The following MEGF10 variants were observed in gnomAD, a reference collection of about 807,000 sequenced individuals.
The protein encoded by MEGF10 is multiple EGF like domains 10, also known as multiple epidermal growth factor-like domains protein 10.
A neutral mutation model predicts 147.5 loss-of-function variants in MEGF10; 86 were observed. That is an observed-to-expected ratio of 0.58 (90% CI 0.49 to 0.70). The LOEUF is 0.70. Among genes scored for constraint, MEGF10 ranks in the 30% least tolerant of loss-of-function variants. The probability of loss-of-function intolerance (pLI) is 0.00; values close to 1 mark genes in which losing one functional copy is unlikely to be tolerated. For synonymous variants in MEGF10, 478 were observed against 525.5 expected, an observed-to-expected ratio of 0.91 and a Z score of 1.24; for missense variants, 1,329 against 1,487.3, an observed-to-expected ratio of 0.89 and a Z score of 1.75.
intron 9 of MEGF10, among the ~76,000 whole-genome samples, chr5:127,413,139 A>G (rs1764634264): frequency 6.6e-6 from 1 of 152,174 alleles, no homozygotes; most frequent in Non-Finnish European, 1.5e-5. Context: ...TTATTTTGCA[A>G]TCTATCATGG....
At chr5:127,327,461 A>T (rs1761082670) in intron 1 of MEGF10, among the ~76,000 whole-genome samples, 1 of 150,200 alleles carries the variant, frequency 6.7e-6, no homozygotes, top group African/African-American at 2.4e-5. Context: ...CAATTGAAAT[A>T]ATACTATTTT....
Position 127,359,058 on chromosome 5 carries a change from GTT to G in MEGF10, c.320-10840_320-10839del, listed in dbSNP as rs75925894. ...AGACTATTTCAACACAAGCTGTTTT[GTT>G]TTTTTTTTTTTCTGTATGAGTCAAT... On this transcript the variant is annotated intron_variant, in intron 4 of 24. Coordinates refer to ENST00000503335, the MANE Select transcript of MEGF10 (RefSeq NM_001256545.2). 1.9e-3 allele frequency among the ~76,000 whole-genome samples: 273 copies of G among 142,006 alleles called. 2 individuals are homozygous for G. Among genetic ancestry groups the G allele is most frequent in the African/African-American group, 6.8e-3 (263 of 38,848 alleles). 93.2% of individuals were successfully genotyped at this position (142,006 alleles called of 152,430 possible). A position where few individuals can be genotyped will look rare whatever the true frequency, so the allele number is the denominator to read the frequency against.
the MEGF10 span, among the ~76,000 whole-genome samples, chr5:127,284,152 G>A: frequency 1.3e-5 from 2 of 152,146 alleles, no homozygotes; most frequent in Non-Finnish European, 2.9e-5. Context: ...CTGGACAAGA[G>A]TCATACTGGA....
intron 2 of MEGF10, among the ~76,000 whole-genome samples, chr5:127,333,902 A>G (rs1446692799): frequency 1.3e-5 from 2 of 152,138 alleles, no homozygotes; most frequent in Non-Finnish European, 2.9e-5. Flanking sequence ...ATGCTCATGA[A>G]GGGGGAGGGA....
chr5:127,368,321 C>G (rs1187116717), intron 4 of MEGF10, among the ~76,000 whole-genome samples: 1 of 152,194 alleles, frequency 6.6e-6, no homozygotes, highest in Non-Finnish European at 1.5e-5. Context: ...GGACCAGGGT[C>G]CCAAGGTCAC....
At chr5:127,268,275 C>G in the MEGF10 span, among the ~76,000 whole-genome samples, 1 of 152,156 alleles carries the variant, frequency 6.6e-6, no homozygotes, top group Non-Finnish European at 1.5e-5. Flanking sequence ...GCACTGTGGT[C>G]TGAGAGACAG....
At chr5:127,419,775 G>T (rs1161845624) in intron 11 of MEGF10, among the ~76,000 whole-genome samples, 2 of 152,146 alleles carry the variant, frequency 1.3e-5, no homozygotes, top group Non-Finnish European at 2.9e-5. Flanking sequence ...AAGGTGCTTT[G>T]ACTCTATATC....
At chr5:127,390,920 AATAGGG>A (rs1261019315) in intron 5 of MEGF10, among the ~76,000 whole-genome samples, 1 of 151,994 alleles carries the variant, frequency 6.6e-6, no homozygotes, top group Non-Finnish European at 1.5e-5. Context: ...TCATCTACAT[AATAGGG>A]ACAACAATAG....
rs573899104 is a variant in MEGF10, at chr5:127,352,487, C to A, written c.319+11857C>A. Among the ~76,000 whole-genome samples the A allele has an allele frequency of 2.0e-5, 3 of 152,078 alleles. No homozygotes were observed. In the South Asian group the frequency reaches 6.2e-4, roughly 32 times the overall value. ...GACTAGCCTGGCCAACATGGCGAAA[C>A]CTCGTCTTTACTAAAATACAAAAAT... On this transcript the variant is annotated intron_variant, in intron 4 of 24. Coordinates refer to ENST00000503335, the MANE Select transcript of MEGF10 (RefSeq NM_001256545.2).
At chr5:127,310,549 T>C (rs1305203901) in intron 1 of MEGF10, among the ~76,000 whole-genome samples, 2 of 152,194 alleles carry the variant, frequency 1.3e-5, no homozygotes. Flanking sequence ...CCATTACTTG[T>C]AGAAATTTCT....
intron 1 of MEGF10, among the ~76,000 whole-genome samples, chr5:127,319,298 A>G (rs1234383370): frequency 6.6e-6 from 1 of 150,926 alleles, no homozygotes; most frequent in African/African-American, 2.4e-5. Flanking sequence ...CTGGTCTTGA[A>G]CTCTTGACCT....
At chr5:127,294,893 A>T (rs534236352) in intron 1 of MEGF10, among the ~76,000 whole-genome samples, 11 of 151,794 alleles carry the variant, frequency 7.2e-5, no homozygotes, top group Middle Eastern at 3.4e-3. Flanking sequence ...CTTATGAAAC[A>T]CCAAATGCCA....
At chr5:127,322,789 T>C (rs1760838804) in intron 1 of MEGF10, among the ~76,000 whole-genome samples, 1 of 152,220 alleles carries the variant, frequency 6.6e-6, no homozygotes, top group Non-Finnish European at 1.5e-5. Context: ...TAATGTTAAA[T>C]TTTTTGTGTA....
the MEGF10 span, among the ~76,000 whole-genome samples, chr5:127,275,073 C>T: frequency 1.3e-5 from 2 of 152,090 alleles, no homozygotes; most frequent in Admixed American, 6.6e-5. Flanking sequence ...TGTTGAGGCA[C>T]CAGCAGACAA....
intron 5 of MEGF10, among the ~76,000 whole-genome samples, chr5:127,396,223 C>A (rs1461071769): frequency 1.3e-5 from 2 of 152,244 alleles, no homozygotes; most frequent in African/African-American, 4.8e-5. Context: ...TTCCCCTAGC[C>A]CACTTCTCTA....
chr5:127,460,177 G>A lies in MEGF10; in HGVS notation c.*2859G>A, dbSNP rs1766511956. Reference sequence around the variant, plus strand: ...ATACTTAGCAAATGCCATTCATATAGTATTGTTAGCCAAACTATTATTCCT... The same window carrying A: ...ATACTTAGCAAATGCCATTCATATAATATTGTTAGCCAAACTATTATTCCT... On this transcript the variant is annotated 3_prime_UTR_variant, in exon 25 of 25. Coordinates refer to ENST00000503335, the MANE Select transcript of MEGF10 (RefSeq NM_001256545.2). The A allele has an allele frequency of 6.6e-6, 1 of 152,116 alleles. No homozygotes were observed. The highest frequency in any genetic ancestry group is 1.5e-5 in the Non-Finnish European group (1 of 68,020). 9.4% of individuals were successfully genotyped at this position (152,116 alleles called of 1,614,324 possible). A position where few individuals can be genotyped will look rare whatever the true frequency, so the allele number is the denominator to read the frequency against.
chr5:127,439,238 T>C (rs149867463), intron 17 of MEGF10, among the ~76,000 whole-genome samples: 167 of 152,310 alleles, frequency 1.1e-3, no homozygotes, highest in African/African-American at 3.9e-3. Flanking sequence ...TGCAAAGTAC[T>C]TACTCCAAAG....
the MEGF10 span, among the ~76,000 whole-genome samples, chr5:127,237,220 G>C: frequency 6.6e-6 from 1 of 152,268 alleles, no homozygotes; most frequent in Non-Finnish European, 1.5e-5. Flanking sequence ...ACTTCGGCCA[G>C]GCGTGGTGGC....
At chr5:127,429,856 C>G (rs1335128227) in intron 13 of MEGF10, among the ~76,000 whole-genome samples, 1 of 152,102 alleles carries the variant, frequency 6.6e-6, no homozygotes, top group Non-Finnish European at 1.5e-5. Flanking sequence ...TAGTTGTGCC[C>G]CTTCCTTCTT....
Sources: allele counts gnomAD v4.1 joint callset (sites outside exome capture counted in the v4.1 genomes callset), GRCh38; gene constraint gnomAD v4.1.1; transcripts MANE v1.5; gene names NCBI Gene and HGNC (gene_info 2026-07-23, HGNC 2026-07-21).